Variants in FGA observed in about 807,000 individuals in gnomAD.
The protein encoded by FGA is fibrinogen alpha chain.
A neutral mutation model predicts 20.3 loss-of-function variants in FGA; 20 were observed. The ratio of observed to expected loss-of-function variants is 0.99; its 90% CI spans 0.69 to 1.43. FGA has a LOEUF of 1.43. Ranked by LOEUF, FGA falls within the 40% of genes most tolerant of loss-of-function variation. The pLI is 0.00. For synonymous variants in FGA, 306 were observed against 281.6 expected (o/e 1.09, Z -0.87); for missense variants, 777 against 784.7 (o/e 0.99, Z 0.12).
At chr4:154,590,560 G>T in intron 1 of FGA, 74 bp downstream of exon 1, 2 of 1,247,548 alleles carry the variant, frequency 1.6e-6, no homozygotes, top group Non-Finnish European at 2.3e-6. Context: ...AGAGCAGGTA[G>T]ACTCTGACCT....
chr4:154,587,576 A>G lies in FGA; in HGVS notation c.446T>C (p.Val149Ala). 2 of 1,613,994 alleles carry G rather than the reference A, an allele frequency of 1.2e-6. No homozygotes were observed. Among genetic ancestry groups the G allele is most frequent in the Non-Finnish European group, 1.7e-6 (2 of 1,179,946 alleles). The part of the protein sequence containing the change: ...EVLKRKVIEK[V>A]QHIQLLQKNV... Reference sequence around the variant, plus strand: ...TTTCTGCAGAAGCTGGATATGCTGTACTTTTTCTATGACTTTGCGCTTCAG... The same window carrying G: ...TTTCTGCAGAAGCTGGATATGCTGTGCTTTTTCTATGACTTTGCGCTTCAG... Residue 149 changes from valine (V) to alanine (A), a missense_variant, in exon 4 of 5, where the codon GTA becomes GCA. By Grantham distance (64) the Val-to-Ala change is moderately conservative (BLOSUM62 0). Coordinates refer to ENST00000403106, the MANE Select transcript of FGA (RefSeq NM_021871.4).
chr4:154,584,156 G>A (rs754725655), downstream of FGA: 25 of 1,531,260 alleles, frequency 1.6e-5, no homozygotes, highest in Admixed American at 2.5e-4. Flanking sequence ...ATTTTCATGC[G>A]AACAGCCCTG....
Position 154,588,777 on chromosome 4 carries a change from A to C in FGA, c.364+16T>G. ...TTTCTGTTATAAAGTCAAAGCAGTA[A>C]ATATGTAATACTTACTATTGGCTGA... is the stretch of plus-strand genomic sequence containing the variant. On this transcript the variant is annotated intron_variant, in intron 3 of 4. Transcript: ENST00000403106. 3.2e-6 allele frequency: 5 copies of C among 1,571,570 alleles called. No individual in the cohort carries two copies. The highest frequency in any genetic ancestry group is 4.4e-6 in the Non-Finnish European group (5 of 1,143,122).
At chr4:154,588,389 G>T (rs577002133) in intron 3 of FGA, among the ~76,000 whole-genome samples, 1 of 152,288 alleles carries the variant, frequency 6.6e-6, no homozygotes, top group East Asian at 1.9e-4. Context: ...AATCAGCTCA[G>T]TGGAGTCTGG....
At chr4:154,583,432 T>C (rs1443455424), downstream of FGA, 1 of 152,206 alleles carries the variant, frequency 6.6e-6, no homozygotes, top group African/African-American at 2.4e-5. Flanking sequence ...ATTATGTCTT[T>C]TTTTAATATT....
At chr4:154,584,440 G>A (rs150073296), downstream of FGA, 197 of 1,614,096 alleles carry the variant, frequency 1.2e-4, 1 homozygote, top group African/African-American at 1.7e-3. Flanking sequence ...AGCATCACCC[G>A]CAGTGCCTTC....
chr4:154,584,894 C>G, downstream of FGA: 3 of 1,254,698 alleles, frequency 2.4e-6, no homozygotes, highest in Non-Finnish European at 3.5e-6. Flanking sequence ...CAAAGATAGG[C>G]ACGGCTCAGA....
rs2070014 is a variant in FGA, at chr4:154,589,314, C to T, written c.180+123G>A. ...GGAGTAGGTTCCTTTTCTTTATTTG[C>T]TATGTAGGTAACTATTCAATTATTT... On this transcript the variant is annotated intron_variant, in intron 2 of 4. Transcript: ENST00000403106. 0.18 allele frequency: 211,374 copies of T among 1,166,284 alleles called. 20,783 individuals carry two copies. The highest frequency in any genetic ancestry group is 0.34 in the Admixed American group (18,980 of 55,704). 72.2% of individuals were successfully genotyped at this position (1,166,284 alleles called of 1,614,324 possible). A position where few individuals can be genotyped will look rare whatever the true frequency, so the allele number is the denominator to read the frequency against.
At chr4:154,584,318 A>G, downstream of FGA, 1 of 1,614,066 alleles carries the variant, frequency 6.2e-7, no homozygotes, top group Non-Finnish European at 8.5e-7. Context: ...CCTCCCCCAT[A>G]GACTTCTGCA....
downstream of FGA, chr4:154,584,315 C>A: frequency 6.2e-7 from 1 of 1,614,138 alleles, no homozygotes; most frequent in South Asian, 1.1e-5. Flanking sequence ...CAGCCTCCCC[C>A]ATAGACTTCT....
downstream of FGA, chr4:154,584,454 G>T: frequency 6.2e-7 from 1 of 1,614,158 alleles, no homozygotes; most frequent in African/African-American, 1.3e-5. Context: ...TGCCTTCATA[G>T]GAGGAGACTT....
intron 3 of FGA, 124 bp downstream of exon 3, chr4:154,588,669 G>A: frequency 1.4e-6 from 1 of 739,482 alleles, no homozygotes; most frequent in African/African-American, 1.8e-5. Context: ...ATATTATGAA[G>A]GTATGTGTTT....
At chr4:154,584,132 T>A (rs1193648836), downstream of FGA, 1 of 1,188,152 alleles carries the variant, frequency 8.4e-7, no homozygotes, top group Non-Finnish European at 1.1e-6. Context: ...GCCTATTGGG[T>A]CACAAGGGGC....
intron 3 of FGA, 70 bp downstream of exon 3, chr4:154,588,723 G>A (rs1245440951): frequency 9.3e-7 from 1 of 1,075,502 alleles, no homozygotes; most frequent in Non-Finnish European, 1.4e-6. Flanking sequence ...GATATAAGCG[G>A]ATATCATATT....
At position 154,586,778 on chromosome 4, in the gene FGA, A is replaced by G. The variant is rs764995118; in HGVS notation, c.651T>C (p.Asp217=). ...TTTTTATCAGTGGTAAGTGTTGCCTATCTCTAGAGGGAAGTAAGTCTTTGG... is the reference window on the plus strand; with the variant it reads ...TTTTTATCAGTGGTAAGTGTTGCCTGTCTCTAGAGGGAAGTAAGTCTTTGG... The part of the protein sequence containing the change: ...VIAKDLLPSR[D]RQHLPLIKMK... Residue 217 remains aspartate, a synonymous_variant, in exon 5 of 5, where the codon GAT becomes GAC. Coordinates refer to ENST00000403106, the MANE Select transcript of FGA (RefSeq NM_021871.4). 3.5e-5 allele frequency: 57 copies of G among 1,614,040 alleles called. No homozygotes were observed. The Admixed American group carries it at 4.0e-4, about 11-fold the overall frequency.
Position 154,585,897 on chromosome 4 carries a change from T to A in FGA, c.1532A>T (p.His511Leu). 6.2e-7 allele frequency: 1 copy of A among 1,614,074 alleles called. No homozygotes were observed. Among genetic ancestry groups the A allele is most frequent in the East Asian group, 2.2e-5 (1 of 44,888 alleles). ...SGIGTLDGFR[H>L]RHPDEAAFFD... ...GAAGGCAGCTTCATCAGGGTGCCTA[T>A]GGCGGAACCCATCCAGAGTACCTAT... Residue 511 changes from histidine (H) to leucine (L), a missense_variant, in exon 5 of 5, where the codon CAT becomes CTT. Transcript: ENST00000403106.
downstream of FGA, chr4:154,584,608 TCTC>T: frequency 1.9e-6 from 3 of 1,614,132 alleles, no homozygotes; most frequent in South Asian, 3.3e-5. Flanking sequence ...TAGCCAGAAT[TCTC>T]CTTCCCCCTC....
chr4:154,584,258 G>A, downstream of FGA: 1 of 1,614,066 alleles, frequency 6.2e-7, no homozygotes, highest in Non-Finnish European at 8.5e-7. Context: ...GAGCCCCCAG[G>A]GTAGTAGATT....
chr4:154,584,100 T>A (rs1474817118), downstream of FGA: 1 of 1,559,000 alleles, frequency 6.4e-7, no homozygotes, highest in Non-Finnish European at 8.8e-7. Context: ...GAAGACAGAG[T>A]GCTCCCATTC....
Sources: allele counts gnomAD v4.1 joint callset (sites outside exome capture counted in the v4.1 genomes callset), GRCh38; gene constraint gnomAD v4.1.1; transcripts MANE v1.5; gene names NCBI Gene and HGNC (gene_info 2026-07-23, HGNC 2026-07-21).